The following SORCS3 variants were observed in gnomAD, a reference collection of about 807,000 sequenced individuals.
SORCS3 encodes VPS10 domain-containing receptor SorCS3.
A neutral mutation model predicts 146.3 loss-of-function variants in SORCS3; 57 were observed. The observed-to-expected ratio is 0.39, with a 90% CI of 0.31 to 0.49. The LOEUF is 0.49. Ranked by LOEUF, SORCS3 falls within the 20% of genes least tolerant of loss-of-function variation. The pLI is 0.92. For missense variants in SORCS3, 1,341 were observed against 1,575.5 expected, an observed-to-expected ratio of 0.85 and a Z score of 2.52; for synonymous variants, 653 against 618.5, an observed-to-expected ratio of 1.06 and a Z score of -0.83.
rs779339383 is a variant in SORCS3, at chr10:105,178,123, C to T, written c.1959C>T (p.Leu653=). 1 of 1,613,658 alleles carries T rather than the reference C, an allele frequency of 6.2e-7. No homozygotes were observed. Among genetic ancestry groups the T allele is most frequent in the Non-Finnish European group, 8.5e-7 (1 of 1,179,778 alleles). ...AGTATGGTTTCACTTCGGTTCCTCT[C>T]TTTGTTGACGGGGCTCTGGTGGAGG... ...WDKYGFTSVP[L]FVDGALVEAG... Residue 653 remains leucine, a synonymous_variant, in exon 14 of 27, where the codon CTC becomes CTT. Coordinates refer to ENST00000369701, the MANE Select transcript of SORCS3 (RefSeq NM_014978.3).
At chr10:105,249,846 A>G (rs2056888688) in intron 22 of SORCS3, among the ~76,000 whole-genome samples, 1 of 152,090 alleles carries the variant, frequency 6.6e-6, no homozygotes, top group Non-Finnish European at 1.5e-5. Flanking sequence ...AGATTGCTCC[A>G]GTACACTCCA....
At chr10:105,098,849 T>A (rs1289460760) in intron 6 of SORCS3, among the ~76,000 whole-genome samples, 1 of 152,204 alleles carries the variant, frequency 6.6e-6, no homozygotes, top group African/African-American at 2.4e-5. Flanking sequence ...GAGCCCTGAA[T>A]GGGATGGTAG....
At chr10:104,831,044 G>A (rs12354778) in intron 1 of SORCS3, among the ~76,000 whole-genome samples, 14,972 of 151,886 alleles carry the variant, frequency 0.099, 919 homozygotes, top group South Asian at 0.24. Context: ...CAGGCTGGTC[G>A]TGAACTCCTA....
intron 3 of SORCS3, among the ~76,000 whole-genome samples, chr10:104,950,003 C>T (rs7078084): frequency 0.11 from 17,257 of 152,112 alleles, 1,548 homozygotes; most frequent in African/African-American, 0.26. Context: ...CATAAGTCTA[C>T]CTGTAAGTTG....
At chr10:104,930,968 A>G (rs2019200521) in intron 3 of SORCS3, among the ~76,000 whole-genome samples, 1 of 152,202 alleles carries the variant, frequency 6.6e-6, no homozygotes, top group Non-Finnish European at 1.5e-5. Flanking sequence ...TCTTGTCATC[A>G]TTGTAATCTC....
chr10:105,067,001 T>G (rs1356147724), intron 5 of SORCS3, among the ~76,000 whole-genome samples: 1 of 152,158 alleles, frequency 6.6e-6, no homozygotes, highest in African/African-American at 2.4e-5. Context: ...GAACTTAAAT[T>G]TCCAGGTACA....
At chr10:105,094,476 C>T (rs993259703) in intron 6 of SORCS3, among the ~76,000 whole-genome samples, 40 of 152,252 alleles carry the variant, frequency 2.6e-4, no homozygotes, top group African/African-American at 8.9e-4. Flanking sequence ...TTTATTCATT[C>T]GCTTACTTAT....
At chr10:104,744,341 A>G (rs2016883358) in intron 1 of SORCS3, among the ~76,000 whole-genome samples, 1 of 152,198 alleles carries the variant, frequency 6.6e-6, no homozygotes, top group Non-Finnish European at 1.5e-5. Context: ...TCCTTGATTT[A>G]TACCAGTGAA....
chr10:104,977,161 A>T (rs1357744919), intron 3 of SORCS3, among the ~76,000 whole-genome samples, 174 bp from the exon 4 acceptor site: 1 of 152,168 alleles, frequency 6.6e-6, no homozygotes, highest in Non-Finnish European at 1.5e-5. Flanking sequence ...CCTCAATTCG[A>T]CAATGAGAGA....
At chr10:105,250,172 G>T (rs1161160125) in intron 22 of SORCS3, among the ~76,000 whole-genome samples, 1 of 152,070 alleles carries the variant, frequency 6.6e-6, no homozygotes, top group Admixed American at 6.5e-5. Context: ...TTTTATAAAG[G>T]CACTAATCCC....
intron 8 of SORCS3, among the ~76,000 whole-genome samples, chr10:105,142,085 C>T (rs1189842150): frequency 6.6e-6 from 1 of 152,134 alleles, no homozygotes; most frequent in Non-Finnish European, 1.5e-5. Context: ...GCCTTGGACT[C>T]AATATTGCCT....
chr10:104,880,808 C>A (rs539965133), intron 2 of SORCS3, among the ~76,000 whole-genome samples: 1 of 152,096 alleles, frequency 6.6e-6, no homozygotes, highest in Non-Finnish European at 1.5e-5. Flanking sequence ...CGTGTTGATG[C>A]GGTCATTACT....
chr10:105,036,753 G>T (rs147584055), intron 4 of SORCS3, among the ~76,000 whole-genome samples: 1 of 152,150 alleles, frequency 6.6e-6, no homozygotes, highest in African/African-American at 2.4e-5. Context: ...CTGCAGCTCC[G>T]TATAGCCCAG....
chr10:104,954,050 A>G (rs12241284), intron 3 of SORCS3, among the ~76,000 whole-genome samples: 29,393 of 152,106 alleles, frequency 0.19, 3,521 homozygotes, highest in African/African-American at 0.33. Flanking sequence ...AGGTTGTCCT[A>G]AAAAGTTTCA....
chr10:104,947,588 A>T (rs1371647037), intron 3 of SORCS3, among the ~76,000 whole-genome samples: 1 of 151,986 alleles, frequency 6.6e-6, no homozygotes, highest in African/African-American at 2.4e-5. Context: ...CTGCTTCATG[A>T]CCTAGCACTG....
chr10:104,952,255 GAAAAAAAAA>G (rs55880149), intron 3 of SORCS3, among the ~76,000 whole-genome samples: 159 of 40,620 alleles, frequency 3.9e-3, no homozygotes, highest in Admixed American at 0.015. Flanking sequence ...ATGAATGTTT[GAAAAAAAAA>G]AAAAAAAAAA....
intron 1 of SORCS3, among the ~76,000 whole-genome samples, chr10:104,797,962 A>T (rs2017576858): frequency 6.6e-6 from 1 of 152,238 alleles, no homozygotes; most frequent in Admixed American, 6.5e-5. Context: ...GTGAGGCCTC[A>T]TCATAAGTCT....
intron 1 of SORCS3, among the ~76,000 whole-genome samples, chr10:104,649,118 A>G (rs533696052): frequency 4.8e-4 from 73 of 152,228 alleles, no homozygotes; most frequent in African/African-American, 1.7e-3. Flanking sequence ...GTGTGAATTC[A>G]TATTTGTGGA....
At chr10:105,106,473 T>C (rs1396171251) in intron 7 of SORCS3, among the ~76,000 whole-genome samples, 1 of 152,214 alleles carries the variant, frequency 6.6e-6, no homozygotes, top group African/African-American at 2.4e-5. Flanking sequence ...ACACAGGCTA[T>C]CAATGGATTT....
Sources: gnomAD v4.1 joint callset for allele counts (sites outside exome capture counted in the v4.1 genomes callset) on GRCh38, gnomAD v4.1.1 for gene constraint, MANE v1.5 for transcripts, NCBI Gene and HGNC (gene_info 2026-07-23, HGNC 2026-07-21) for gene names.